Variants in MDGA2 observed in about 807,000 individuals in gnomAD.
The protein encoded by MDGA2 is MAM domain containing glycosylphosphatidylinositol anchor 2.
MDGA2 carries 40 observed loss-of-function variants against 117.8 expected under a neutral mutation model. The ratio of observed to expected loss-of-function variants is 0.34; its 90% CI spans 0.26 to 0.44. The LOEUF is 0.44. Ranked by LOEUF, MDGA2 falls within the 20% of genes least tolerant of loss-of-function variation. MDGA2 has a pLI of 1.00. For synonymous variants in MDGA2, 452 were observed against 439.0 expected, an observed-to-expected ratio of 1.03 and a Z score of -0.37; for missense variants, 1,123 against 1,250.6, an observed-to-expected ratio of 0.90 and a Z score of 1.54.
chr14:47,536,051 A>C (rs1041771003), intron 1 of MDGA2, among the ~76,000 whole-genome samples: 5 of 152,214 alleles, frequency 3.3e-5, no homozygotes, highest in Non-Finnish European at 5.9e-5. Context: ...GAAAGTCATT[A>C]AGTGTGTCCA....
intron 2 of MDGA2, among the ~76,000 whole-genome samples, chr14:47,263,349 T>C (rs952653053): frequency 2.6e-5 from 4 of 152,068 alleles, no homozygotes; most frequent in African/African-American, 9.7e-5. Context: ...AGCCTTATGA[T>C]CTCATCACCT....
intron 1 of MDGA2, among the ~76,000 whole-genome samples, chr14:47,657,281 G>C (rs1435264630): frequency 6.6e-6 from 1 of 152,176 alleles, no homozygotes; most frequent in Non-Finnish European, 1.5e-5. Context: ...GGTTGTTACA[G>C]AGCAATAGCA....
rs568584744 is a variant in MDGA2, at chr14:47,052,828, A to C, written c.1525+8421T>G. Among the ~76,000 whole-genome samples, 16 of 151,918 alleles carry C rather than the reference A, an allele frequency of 1.1e-4. No homozygotes were observed. In the South Asian group the frequency reaches 3.3e-3, roughly 32 times the overall value. ...GAGGATGGATGTTCTTCATACCAAA[A>C]TACTCTATTTAAACTCTGATGACCT... is the stretch of plus-strand genomic sequence containing the variant. On this transcript the variant is annotated intron_variant, in intron 7 of 16. Transcript: ENST00000399232.
chr14:47,588,122 G>T (rs1896360771), intron 1 of MDGA2, among the ~76,000 whole-genome samples: 2 of 150,926 alleles, frequency 1.3e-5, no homozygotes, highest in South Asian at 4.2e-4. Context: ...TCTACTTATA[G>T]GTGGATGAAC....
Position 47,142,389 on chromosome 14 carries a change from G to C in MDGA2, c.792+1689C>G, listed in dbSNP as rs544345562. Among the ~76,000 whole-genome samples, 13 of 152,246 alleles carry C rather than the reference G, an allele frequency of 8.5e-5. No homozygotes were observed. The South Asian group carries it at 2.3e-3, about 27-fold the overall frequency. The stretch of plus-strand genomic sequence containing the variant: ...AACCCTGAGGCAGAAGTTGCAGTGA[G>C]TGGAGATCATGCCACTGCACTCCAG... On this transcript the variant is annotated intron_variant, in intron 4 of 16. Coordinates refer to ENST00000399232, the MANE Select transcript of MDGA2 (RefSeq NM_001113498.3).
In MDGA2 at chr14:47,035,076, T is replaced by A; in HGVS notation, c.1754A>T (p.Gln585Leu). 3.7e-6 allele frequency: 6 copies of A among 1,614,152 alleles called. No homozygotes were observed. Among genetic ancestry groups the A allele is most frequent in the Non-Finnish European group, 5.1e-6 (6 of 1,180,012 alleles). Residue 585 changes from glutamine to leucine, a missense_variant, in exon 8 of 17, where the codon CAG becomes CTG. Physicochemically the swap from Gln to Leu is moderately radical, Grantham distance 113. This residue lies in a region of MDGA2 where 890 missense variants were observed against 1,050.3 expected (regional missense o/e 0.85). Coordinates refer to ENST00000399232, the MANE Select transcript of MDGA2 (RefSeq NM_001113498.3). ...GTTAAATCCATTGTATTGGCTGGTCTGACATCTGTACATTCCTGACATTTC... is the reference window on the plus strand; with the variant it reads ...GTTAAATCCATTGTATTGGCTGGTCAGACATCTGTACATTCCTGACATTTC... Reference protein sequence around the residue: ...SREMSGMYRCQTSQYNGFNVK... With the variant: ...SREMSGMYRCLTSQYNGFNVK...
chr14:46,931,681 C>G (rs764040662), intron 9 of MDGA2, among the ~76,000 whole-genome samples: 2 of 151,956 alleles, frequency 1.3e-5, no homozygotes, highest in African/African-American at 2.4e-5. Flanking sequence ...AGCCACCACA[C>G]TCAGCTAATT....
At chr14:47,166,326 G>A (rs1390326500) in intron 3 of MDGA2, among the ~76,000 whole-genome samples, 1 of 151,998 alleles carries the variant, frequency 6.6e-6, no homozygotes, top group African/African-American at 2.4e-5. Flanking sequence ...GAGCCATGGC[G>A]CCCCACCACT....
chr14:47,357,618 A>G (rs61993124), intron 1 of MDGA2, among the ~76,000 whole-genome samples: 252 of 152,338 alleles, frequency 1.7e-3, no homozygotes, highest in Non-Finnish European at 2.9e-3. Context: ...AAGGTTTGCA[A>G]GACAGTCAAG....
At position 47,393,094 on chromosome 14, in the gene MDGA2, AATAATAAT is replaced by A. The variant is rs1891932408; in HGVS notation, c.281-91552_281-91545del. ...CTAACCAAAGAAACCAGATAATTAAAATAATAATAATAATAATAATAATAATAATTGCA... is the reference window on the plus strand; with the variant it reads ...CTAACCAAAGAAACCAGATAATTAAAAATAATAATAATAATAATAATTGCA... On this transcript the variant is annotated intron_variant, in intron 1 of 16. Coordinates refer to ENST00000399232, the MANE Select transcript of MDGA2 (RefSeq NM_001113498.3). Among the ~76,000 whole-genome samples the A allele has an allele frequency of 2.7e-4, 6 of 22,498 alleles. No homozygotes were observed. In the Admixed American group the frequency reaches 3.5e-3, roughly 13 times the overall value. 14.8% of individuals were successfully genotyped at this position (22,498 alleles called of 152,430 possible).
At chr14:47,592,025 T>G (rs2138860544) in intron 1 of MDGA2, among the ~76,000 whole-genome samples, 1 of 152,120 alleles carries the variant, frequency 6.6e-6, no homozygotes, top group Non-Finnish European at 1.5e-5. Context: ...CTTAAGCTGA[T>G]AAGCAACTTC....
At position 47,307,173 on chromosome 14, in the gene MDGA2, T is replaced by C. The variant is rs147412212; in HGVS notation, c.281-5623A>G. Among the ~76,000 whole-genome samples the C allele has an allele frequency of 3.6e-3, 554 of 152,320 alleles. 3 individuals are homozygous for C. The highest frequency in any genetic ancestry group is 0.013 in the African/African-American group (522 of 41,582). On this transcript the variant is annotated intron_variant, in intron 1 of 16. Coordinates refer to ENST00000399232, the MANE Select transcript of MDGA2 (RefSeq NM_001113498.3). Reference sequence around the variant, plus strand: ...GCACGTGTATAGTACTTCAAGGATATGGTGGCTTCCATTCTTTTCTTTCCT... The same window carrying C: ...GCACGTGTATAGTACTTCAAGGATACGGTGGCTTCCATTCTTTTCTTTCCT...
chr14:47,502,121 A>G (rs1239465321), intron 1 of MDGA2, among the ~76,000 whole-genome samples: 1 of 152,126 alleles, frequency 6.6e-6, no homozygotes, highest in Non-Finnish European at 1.5e-5. Context: ...TGAAAGGTTT[A>G]AAAAAAGACA....
At chr14:47,343,272 C>T (rs1342005122) in intron 1 of MDGA2, 2 of 1,135,300 alleles carry the variant, frequency 1.8e-6, no homozygotes, top group African/African-American at 3.3e-5. Context: ...TGTATTACAT[C>T]AGGAAGGCAA....
intron 1 of MDGA2, among the ~76,000 whole-genome samples, chr14:47,591,156 C>T (rs1280417474): frequency 2.0e-5 from 3 of 152,030 alleles, no homozygotes; most frequent in Non-Finnish European, 1.5e-5. Context: ...GAATTTCTCT[C>T]TCTGCTCATC....
intron 16 of MDGA2, among the ~76,000 whole-genome samples, chr14:46,843,879 G>C (rs1373709611): frequency 2.0e-5 from 3 of 152,106 alleles, no homozygotes; most frequent in South Asian, 2.1e-4. Flanking sequence ...TGTAAATTTA[G>C]TTTGATTACT....
At chr14:47,371,383 T>G (rs972105847) in intron 1 of MDGA2, among the ~76,000 whole-genome samples, 1 of 151,820 alleles carries the variant, frequency 6.6e-6, no homozygotes, top group Non-Finnish European at 1.5e-5. Flanking sequence ...ATCAATCTCT[T>G]TTAGTCATCT....
intron 5 of MDGA2, among the ~76,000 whole-genome samples, chr14:47,115,508 T>G (rs1881279168): frequency 6.6e-6 from 1 of 151,878 alleles, no homozygotes; most frequent in Non-Finnish European, 1.5e-5. Context: ...TATATCAAGT[T>G]TTTTTTTATT....
At position 47,030,992 on chromosome 14, in the gene MDGA2, A is replaced by G. The variant is rs931292503; in HGVS notation, c.1819+4019T>C. Among the ~76,000 whole-genome samples, 9 of 152,276 alleles carry G rather than the reference A, an allele frequency of 5.9e-5. No individual in the cohort carries two copies. The East Asian group carries it at 1.3e-3, about 23-fold the overall frequency. On this transcript the variant is annotated intron_variant, in intron 8 of 16. Coordinates refer to ENST00000399232, the MANE Select transcript of MDGA2 (RefSeq NM_001113498.3). ...GACTATGTTACTCTTAACAGGATAT[A>G]GAATGGTCTAAAATATCTCTAGGCT...
Sources: gnomAD v4.1 joint callset for allele counts (sites outside exome capture counted in the v4.1 genomes callset) on GRCh38, gnomAD v4.1.1 for gene constraint, gnomAD v4.1.1 regional missense constraint, MANE v1.5 for transcripts, NCBI Gene and HGNC (gene_info 2026-07-23, HGNC 2026-07-21) for gene names.